Variants in KIF13A observed in about 807,000 individuals in gnomAD.
The protein encoded by KIF13A is kinesin-like protein KIF13A.
Under a neutral mutation model 212.2 loss-of-function variants are expected in KIF13A, and 79 were observed. The ratio of observed to expected loss-of-function variants is 0.37; its 90% CI spans 0.31 to 0.45. KIF13A has a LOEUF of 0.45. KIF13A is among the 20% of genes least tolerant of loss of function. The pLI is 1.00. For synonymous variants in KIF13A, 789 were observed against 808.6 expected, an observed-to-expected ratio of 0.98 and a Z score of 0.41; for missense variants, 1,901 against 2,209.0, an observed-to-expected ratio of 0.86 and a Z score of 2.79.
chr6:17,954,655 T>C (rs1383270009), intron 2 of KIF13A, among the ~76,000 whole-genome samples: 1 of 152,182 alleles, frequency 6.6e-6, no homozygotes, highest in Non-Finnish European at 1.5e-5. Context: ...CATGCATTTT[T>C]ACAAGGATTT....
Position 17,987,291 on chromosome 6 carries a change from C to T in KIF13A, c.55+118G>A. On this transcript the variant is annotated intron_variant, in intron 1 of 38. Coordinates refer to ENST00000259711, the MANE Select transcript of KIF13A (RefSeq NM_022113.6). This position sits in a 1 kb window ranked among gnomAD's most constrained non-coding sequence, Gnocchi z 7.7. ...CGGGCACCACGGCCAGCGCGGACGCCGCCTCCGCCCCGGCCCCCCGGCCCC... is the reference window on the plus strand; with the variant it reads ...CGGGCACCACGGCCAGCGCGGACGCTGCCTCCGCCCCGGCCCCCCGGCCCC... The T allele has an allele frequency of 1.2e-6, 1 of 861,594 alleles. No homozygotes were observed. The highest frequency in any genetic ancestry group is 1.5e-6 in the Non-Finnish European group (1 of 667,388). The allele number at this position is 861,594 out of a possible 1,614,324, so 53.4% of individuals were successfully genotyped here. A position where few individuals can be genotyped will look rare whatever the true frequency, so the allele number is the denominator to read the frequency against.
chr6:17,824,782 A>C (rs1483702295), intron 16 of KIF13A, among the ~76,000 whole-genome samples: 1 of 68,614 alleles, frequency 1.5e-5, no homozygotes, highest in Non-Finnish European at 3.1e-5. Context: ...AAAAAAAAAC[A>C]AAACACCAAA....
At chr6:17,943,954 CT>C (rs1307044704) in intron 2 of KIF13A, among the ~76,000 whole-genome samples, 1 of 152,138 alleles carries the variant, frequency 6.6e-6, no homozygotes, top group Non-Finnish European at 1.5e-5. Context: ...ATGCTTATAA[CT>C]TTTCTGCATC....
Position 17,834,107 on chromosome 6 carries a change from A to C in KIF13A, c.1156-36T>G. 1 of 1,361,866 alleles carries C rather than the reference A, an allele frequency of 7.3e-7. No individual in the cohort carries two copies. Among genetic ancestry groups the C allele is most frequent in the Non-Finnish European group, 1.0e-6 (1 of 993,818 alleles). 84.4% of individuals were successfully genotyped at this position (1,361,866 alleles called of 1,614,324 possible). A position where few individuals can be genotyped will look rare whatever the true frequency, so the allele number is the denominator to read the frequency against. The stretch of plus-strand genomic sequence containing the variant: ...AAATCAGAGATATCTGATGTTCAAA[A>C]TTTTTCCACCATCATATACAAGACA... On this transcript the variant is annotated intron_variant, in intron 11 of 38. Transcript: ENST00000259711. The surrounding 1 kb of genome is among the most constrained non-coding windows in gnomAD (Gnocchi z 4.0).
chr6:17,923,327 AAAGT>A (rs1002667564), intron 2 of KIF13A, among the ~76,000 whole-genome samples: 15 of 151,860 alleles, frequency 9.9e-5, no homozygotes, highest in Admixed American at 3.3e-4. Context: ...ATAAAAATAA[AAAGT>A]AAGCAGTGAT....
At position 17,915,205 on chromosome 6, in the gene KIF13A, G is replaced by C. The variant is rs1774389082; in HGVS notation, c.147-17025C>G. Among the ~76,000 whole-genome samples the C allele has an allele frequency of 6.6e-6, 1 of 152,168 alleles. No homozygotes were observed. Among genetic ancestry groups the C allele is most frequent in the Non-Finnish European group, 1.5e-5 (1 of 68,026 alleles). ...CTGAATAATCCCTTAGGTTACAGTT[G>C]AGACACACAAACGGCCTTTTATGAG... On this transcript the variant is annotated intron_variant, in intron 2 of 38. Coordinates refer to ENST00000259711, the MANE Select transcript of KIF13A (RefSeq NM_022113.6). The surrounding 1 kb of genome is among the most constrained non-coding windows in gnomAD (Gnocchi z 4.4).
chr6:17,805,347 C>A, intron 19 of KIF13A, 128 bp downstream of exon 19: 1 of 840,120 alleles, frequency 1.2e-6, no homozygotes, highest in Non-Finnish European at 1.8e-6. Context: ...AATATAATAT[C>A]TAACGTATCA....
At chr6:17,936,559 G>A (rs968860850) in intron 2 of KIF13A, among the ~76,000 whole-genome samples, 1 of 152,208 alleles carries the variant, frequency 6.6e-6, no homozygotes, top group Non-Finnish European at 1.5e-5. Flanking sequence ...AGAAGAAAAT[G>A]GAGGCAGAGA....
At position 17,809,951 on chromosome 6, in the gene KIF13A, G is replaced by A. The variant is rs978480217; in HGVS notation, c.2001-1021C>T. Among the ~76,000 whole-genome samples, 1 of 152,056 alleles carries A rather than the reference G, an allele frequency of 6.6e-6. No individual in the cohort carries two copies. The highest frequency in any genetic ancestry group is 2.4e-5 in the African/African-American group (1 of 41,382). On this transcript the variant is annotated intron_variant, in intron 17 of 38. Transcript: ENST00000259711. This position sits in a 1 kb window ranked among gnomAD's most constrained non-coding sequence, Gnocchi z 4.7. ...TTCTTAAAACCATATTACCAGCTGGGGGCAGTGGCTCATGGCTATAATCCC... is the reference window on the plus strand; with the variant it reads ...TTCTTAAAACCATATTACCAGCTGGAGGCAGTGGCTCATGGCTATAATCCC...
At position 17,871,243 on chromosome 6, in the gene KIF13A, G is replaced by A. The variant is rs1215155325; in HGVS notation, c.220+2134C>T. 6.6e-6 allele frequency among the ~76,000 whole-genome samples: 1 copy of A among 152,108 alleles called. No homozygotes were observed. The highest frequency in any genetic ancestry group is 2.4e-5 in the African/African-American group (1 of 41,412). ...AATCAGGCGATTTAATGTATGTGTT[G>A]TCTCAAATACTTATCTCCTCTATGT... On this transcript the variant is annotated intron_variant, in intron 4 of 38. Coordinates refer to ENST00000259711, the MANE Select transcript of KIF13A (RefSeq NM_022113.6). The surrounding 1 kb of genome is among the most constrained non-coding windows in gnomAD (Gnocchi z 4.4).
chr6:17,830,506 A>G (rs1359358385), intron 13 of KIF13A, among the ~76,000 whole-genome samples: 1 of 152,160 alleles, frequency 6.6e-6, no homozygotes, highest in African/African-American at 2.4e-5. Context: ...AATTTGAGAA[A>G]TGCTACAGTA....
intron 2 of KIF13A, among the ~76,000 whole-genome samples, chr6:17,969,394 C>G (rs1254338940): frequency 1.3e-5 from 2 of 152,160 alleles, no homozygotes; most frequent in African/African-American, 4.8e-5. Flanking sequence ...GTTTGTTGTA[C>G]TACTTAATTA....
intron 17 of KIF13A, among the ~76,000 whole-genome samples, chr6:17,810,503 ACATGGAAGACAACTTTTC>A (rs1763339567): frequency 6.6e-6 from 1 of 152,260 alleles, no homozygotes; most frequent in East Asian, 1.9e-4. Context: ...GGGACTAGTT[ACATGGAAGACAACTTTTC>A]CATGGACCGA....
intron 3 of KIF13A, among the ~76,000 whole-genome samples, chr6:17,880,652 G>T (rs1333982034): frequency 2.2e-5 from 3 of 138,720 alleles, no homozygotes; most frequent in South Asian, 2.3e-4. Context: ...AAAAAAAAAG[G>T]TCTTGCTCTG....
In KIF13A at chr6:17,850,818, C is replaced by T. The variant is rs1422087572; in HGVS notation, c.583-361G>A. 6.6e-6 allele frequency among the ~76,000 whole-genome samples: 1 copy of T among 152,190 alleles called. No individual in the cohort carries two copies. The highest frequency in any genetic ancestry group is 2.4e-5 in the African/African-American group (1 of 41,450). On this transcript the variant is annotated intron_variant, in intron 7 of 38. Coordinates refer to ENST00000259711, the MANE Select transcript of KIF13A (RefSeq NM_022113.6). This position sits in a 1 kb window ranked among gnomAD's most constrained non-coding sequence, Gnocchi z 6.2. The stretch of plus-strand genomic sequence containing the variant: ...CCTGTGCTTACCAACCCGCTGATGC[C>T]TGCCTGTCTGCCTCCCTCCTCCAAT...
chr6:17,878,371 C>T (rs1309988629), intron 3 of KIF13A, among the ~76,000 whole-genome samples: 2 of 149,980 alleles, frequency 1.3e-5, no homozygotes, highest in Non-Finnish European at 1.5e-5. Context: ...TCAGTTATTG[C>T]TATATGTAGT....
chr6:17,966,393 T>G (rs1165101318), intron 2 of KIF13A, among the ~76,000 whole-genome samples: 1 of 151,788 alleles, frequency 6.6e-6, no homozygotes, highest in Non-Finnish European at 1.5e-5. Flanking sequence ...AATGTCCTTT[T>G]CCTCTAAAGG....
intron 2 of KIF13A, among the ~76,000 whole-genome samples, chr6:17,965,217 T>A (rs898968476): frequency 6.6e-6 from 1 of 152,244 alleles, no homozygotes; most frequent in African/African-American, 2.4e-5. Flanking sequence ...TCTCTAATTG[T>A]TCTTAGTATC....
chr6:17,955,316 A>G (rs879579235), intron 2 of KIF13A, among the ~76,000 whole-genome samples: 3 of 142,426 alleles, frequency 2.1e-5, no homozygotes, highest in Non-Finnish European at 4.6e-5. Flanking sequence ...TTTGATTTAA[A>G]TATAACAATA....
Sources: allele counts gnomAD v4.1 joint callset (sites outside exome capture counted in the v4.1 genomes callset), GRCh38; gene constraint gnomAD v4.1.1; non-coding constraint Gnocchi (gnomAD v3.1); transcripts MANE v1.5; gene names NCBI Gene and HGNC (gene_info 2026-07-23, HGNC 2026-07-21).